CACNA1B: variants seen among roughly 807,000 people sequenced by gnomAD.
CACNA1B encodes calcium voltage-gated channel subunit alpha1 B, also known as voltage-dependent N-type calcium channel subunit alpha-1B.
Under a neutral mutation model 247.2 loss-of-function variants are expected in CACNA1B, and 70 were observed. The observed-to-expected ratio is 0.28, with a 90% CI of 0.23 to 0.35. CACNA1B has a LOEUF of 0.35. CACNA1B is among the 10% of genes least tolerant of loss of function. The probability of loss-of-function intolerance (pLI) is 1.00; values close to 1 mark genes in which losing one functional copy is unlikely to be tolerated. For synonymous variants in CACNA1B, 1,231 were observed against 1,294.4 expected (o/e 0.95, Z 1.05); for missense variants, 2,367 against 3,197.4 (o/e 0.74, Z 6.26).
intron 35 of CACNA1B, among the ~76,000 whole-genome samples, chr9:138,077,476 T>C (rs1186564451): frequency 6.6e-6 from 1 of 151,474 alleles, no homozygotes; most frequent in Non-Finnish European, 1.5e-5. Context: ...TGGGCAGTCA[T>C]GTGGATTTTG....
chr9:137,972,853 G>C (rs1013829589), intron 11 of CACNA1B, among the ~76,000 whole-genome samples: 1 of 152,204 alleles, frequency 6.6e-6, no homozygotes, highest in Non-Finnish European at 1.5e-5. Flanking sequence ...GCGGCTGCAG[G>C]TCGAGAAGCA....
In CACNA1B at chr9:138,078,158, T is replaced by C; in HGVS notation, c.4994T>C (p.Leu1665Pro). 1.2e-6 allele frequency: 2 copies of C among 1,613,962 alleles called. No homozygotes were observed. The highest frequency in any genetic ancestry group is 1.7e-6 in the Non-Finnish European group (2 of 1,179,858). ...TGGCACGAGATCATGCTGTCCTGCC[T>C]GAGCAACCAGGCCTGTGATGAGCAG... ...EAWHEIMLSC[L>P]SNQACDEQAN... Residue 1665 changes from leucine to proline, a missense_variant, in exon 36 of 47, where the codon CTG (leucine) becomes CCG (proline). This residue lies in a region of CACNA1B where 436 missense variants were observed against 679.5 expected (regional missense o/e 0.64). Coordinates refer to ENST00000371372, the MANE Select transcript of CACNA1B (RefSeq NM_000718.4).
intron 21 of CACNA1B, among the ~76,000 whole-genome samples, chr9:138,046,006 C>T (rs891154418): frequency 2.0e-5 from 3 of 152,156 alleles, no homozygotes; most frequent in African/African-American, 7.2e-5. Flanking sequence ...GGCCGTCTGC[C>T]CCACCTGCTC....
At position 138,023,824 on chromosome 9, in the gene CACNA1B, C is replaced by A; in HGVS notation, c.3068+13C>A. 1.6e-6 allele frequency: 2 copies of A among 1,272,298 alleles called. No individual in the cohort carries two copies. Among genetic ancestry groups the A allele is most frequent in the Non-Finnish European group, 1.1e-6 (1 of 894,840 alleles). 78.8% of individuals were successfully genotyped at this position (1,272,298 alleles called of 1,614,324 possible). A position where few individuals can be genotyped will look rare whatever the true frequency, so the allele number is the denominator to read the frequency against. On this transcript the variant is annotated intron_variant, in intron 19 of 46. Transcript: ENST00000371372. ...ACCACCAGCCCCGGTGAGTCCGCGG[C>A]TGGGCGGGGTCAGGGAGGGAAGGGT...
rs3750507 is a variant in CACNA1B at position 138,122,759 on chromosome 9, C to T, written c.*760C>T. On this transcript the variant is annotated 3_prime_UTR_variant, in exon 47 of 47. Transcript: ENST00000371372. ...GGCTTATGCGAGGAGACTCCCTGTG[C>T]AGCCCTGTCCGGTCCAGGTGGACGT... 0.016 allele frequency: 2,453 copies of T among 152,348 alleles called. 102 individuals are homozygous for T. The highest frequency in any genetic ancestry group is 0.16 in the East Asian group (802 of 5,172). 9.4% of individuals were successfully genotyped at this position (152,348 alleles called of 1,614,324 possible).
intron 42 of CACNA1B, 40 bp downstream of exon 42, chr9:138,115,719 G>T (rs778458308): frequency 3.2e-6 from 5 of 1,576,244 alleles, no homozygotes; most frequent in Non-Finnish European, 4.3e-6. Context: ...ACAGGAGGAG[G>T]TCCAAAGACA....
At chr9:138,044,390 A>C (rs1003163109) in intron 21 of CACNA1B, among the ~76,000 whole-genome samples, 2 of 152,266 alleles carry the variant, frequency 1.3e-5, no homozygotes, top group Admixed American at 1.3e-4. Context: ...GGTCCTGGGA[A>C]TAGTTAGGAA....
chr9:137,891,825 G>A lies in CACNA1B; in HGVS notation c.530+8942G>A, dbSNP rs888170452. 9 of 353,908 alleles carry A rather than the reference G, an allele frequency of 2.5e-5. No individual in the cohort carries two copies. Among genetic ancestry groups the A allele is most frequent in the South Asian group, 4.2e-5 (2 of 47,360 alleles). 21.9% of individuals were successfully genotyped at this position (353,908 alleles called of 1,614,324 possible). A position where few individuals can be genotyped will look rare whatever the true frequency, so the allele number is the denominator to read the frequency against. Reference sequence around the variant, plus strand: ...TGAAGCATCTCTACTCCAGCCAGACGGACGCTAACGCAGATTCATTCCTAG... The same window carrying A: ...TGAAGCATCTCTACTCCAGCCAGACAGACGCTAACGCAGATTCATTCCTAG... On this transcript the variant is annotated intron_variant, in intron 3 of 46. Coordinates refer to ENST00000371372, the MANE Select transcript of CACNA1B (RefSeq NM_000718.4). This position sits in a 1 kb window ranked among gnomAD's most constrained non-coding sequence, Gnocchi z 4.3.
chr9:138,005,755 A>T (rs550871451), intron 15 of CACNA1B, among the ~76,000 whole-genome samples: 47 of 152,302 alleles, frequency 3.1e-4, no homozygotes, highest in African/African-American at 1.1e-3. Flanking sequence ...AAAAAGAATT[A>T]AAAAACGGCA....
intron 23 of CACNA1B, 88 bp downstream of exon 23, chr9:138,047,546 A>G (rs1589093891): frequency 2.3e-6 from 2 of 882,442 alleles, no homozygotes; most frequent in East Asian, 4.9e-5. Context: ...GTTGAACCAC[A>G]ATTTCTATAA....
intron 15 of CACNA1B, among the ~76,000 whole-genome samples, chr9:137,997,887 G>A (rs1414971495): frequency 6.6e-6 from 1 of 152,216 alleles, no homozygotes; most frequent in Non-Finnish European, 1.5e-5. Context: ...TCACCTGCAT[G>A]TTCACCATCA....
rs961112311 is a variant in CACNA1B, at chr9:138,010,754, G to A, written c.2160+677G>A. On this transcript the variant is annotated intron_variant, in intron 17 of 46. Transcript: ENST00000371372. This position sits in a 1 kb window ranked among gnomAD's most constrained non-coding sequence, Gnocchi z 5.3. ...TGTCACTGTGTGCCCTCTTCTGCCT[G>A]TGCACCATCCCTGGACAGGTGTCTG... 6.6e-6 allele frequency among the ~76,000 whole-genome samples: 1 copy of A among 152,152 alleles called. No homozygotes were observed. The highest frequency in any genetic ancestry group is 6.5e-5 in the Admixed American group (1 of 15,286).
chr9:138,102,897 A>G lies in CACNA1B; in HGVS notation c.5319+90A>G. 1.3e-6 allele frequency: 1 copy of G among 758,052 alleles called. No homozygotes were observed. The allele number at this position is 758,052 out of a possible 1,614,324, so 47.0% of individuals were successfully genotyped here. A position where few individuals can be genotyped will look rare whatever the true frequency, so the allele number is the denominator to read the frequency against. On this transcript the variant is annotated intron_variant, in intron 38 of 46. Coordinates refer to ENST00000371372, the MANE Select transcript of CACNA1B (RefSeq NM_000718.4). The surrounding 1 kb of genome is among the most constrained non-coding windows in gnomAD (Gnocchi z 5.4). ...GGCTCTCCCAGCTCCTCTCCCTTTC[A>G]GGGTGCCCGGCTGTCTGTCTGCCGC...
intron 31 of CACNA1B, among the ~76,000 whole-genome samples, chr9:138,064,019 G>A (rs1412876197): frequency 6.6e-6 from 1 of 152,226 alleles, no homozygotes. Context: ...AACACCAGCT[G>A]TGCCTGGGCA....
intron 20 of CACNA1B, among the ~76,000 whole-genome samples, chr9:138,042,776 C>CT (rs1436907749): frequency 3.9e-5 from 6 of 152,152 alleles, no homozygotes; most frequent in Admixed American, 6.5e-5. Context: ...CACCTCGAAG[C>CT]TTTTTTTCTC....
chr9:138,026,769 A>T (rs112970826), intron 20 of CACNA1B, among the ~76,000 whole-genome samples: 86 of 152,270 alleles, frequency 5.6e-4, no homozygotes, highest in Admixed American at 1.2e-3. Context: ...TAAGTTTTCA[A>T]CTCATTTGGG....
chr9:137,987,234 A>G (rs977510702), intron 15 of CACNA1B, among the ~76,000 whole-genome samples: 8 of 151,636 alleles, frequency 5.3e-5, no homozygotes, highest in African/African-American at 1.7e-4. Flanking sequence ...TCCCCCTCCT[A>G]TCTCAGATCC....
At chr9:138,039,893 T>C (rs530453403) in intron 20 of CACNA1B, among the ~76,000 whole-genome samples, 1 of 152,348 alleles carries the variant, frequency 6.6e-6, no homozygotes, top group East Asian at 1.9e-4. Flanking sequence ...ATATTCTTTA[T>C]ATTCATTAAT....
Position 138,115,596 on chromosome 9 carries a change from G to A in CACNA1B, c.5694G>A (p.Glu1898=). 1 of 1,613,774 alleles carries A rather than the reference G, an allele frequency of 6.2e-7. No homozygotes were observed. Among genetic ancestry groups the A allele is most frequent in the Non-Finnish European group, 8.5e-7 (1 of 1,179,836 alleles). Reference sequence around the variant, plus strand: ...TCCACCCTCTGAAGGCCACCCTGGAGCAGACACAGCCGGCTGTGCTCCGAG... The same window carrying A: ...TCCACCCTCTGAAGGCCACCCTGGAACAGACACAGCCGGCTGTGCTCCGAG... The part of the protein sequence containing the change: ...SLFHPLKATL[E]QTQPAVLRGA... The change falls in exon 42 of 47, where the codon GAG becomes GAA. Residue 1898 remains glutamate, a synonymous_variant. Coordinates refer to ENST00000371372, the MANE Select transcript of CACNA1B (RefSeq NM_000718.4).
Sources: allele counts gnomAD v4.1 joint callset (sites outside exome capture counted in the v4.1 genomes callset), GRCh38; gene constraint gnomAD v4.1.1; regional missense constraint gnomAD v4.1.1; non-coding constraint Gnocchi (gnomAD v3.1); transcripts MANE v1.5; gene names NCBI Gene and HGNC (gene_info 2026-07-23, HGNC 2026-07-21).